Variants in GPR179 observed in about 807,000 individuals in gnomAD.
GPR179 encodes G protein-coupled receptor 179.
Under a neutral mutation model 70.8 loss-of-function variants are expected in GPR179, and 52 were observed. That is an observed-to-expected ratio of 0.73 (90% CI 0.59 to 0.93). The LOEUF (loss-of-function observed/expected upper bound fraction) is 0.93, where lower values mean the gene tolerates loss of function less well. Ranked by LOEUF, GPR179 falls within the 40% of genes least tolerant of loss-of-function variation. GPR179 has a pLI of 0.00. For synonymous variants in GPR179, 1,123 were observed against 1,169.0 expected, an observed-to-expected ratio of 0.96 and a Z score of 0.80; for missense variants, 2,734 against 2,966.8, an observed-to-expected ratio of 0.92 and a Z score of 1.82.
rs1344992907 is a variant in GPR179, at chr17:38,333,465, G to A, written c.1891-68C>T. ...TCCTTGTCCACTCCTGCACTCACCT[G>A]CCCTGTGGAATGCGTCCTTACTTTG... On this transcript the variant is annotated intron_variant, in intron 9 of 10. Transcript: ENST00000616987. 2.8e-5 allele frequency: 42 copies of A among 1,487,152 alleles called. No individual in the cohort carries two copies. In the South Asian group the frequency reaches 5.3e-4, roughly 19 times the overall value. The allele number at this position is 1,487,152 out of a possible 1,614,324, so 92.1% of individuals were successfully genotyped here. A position where few individuals can be genotyped will look rare whatever the true frequency, so the allele number is the denominator to read the frequency against.
rs181203519 is a variant in GPR179, at chr17:38,333,253, G to A, written c.2035C>T (p.Arg679Trp). 730 of 1,613,650 alleles carry A rather than the reference G, an allele frequency of 4.5e-4. 3 individuals are homozygous for A. Among genetic ancestry groups the A allele is most frequent in the African/African-American group, 1.1e-3 (79 of 75,024 alleles). The change falls in exon 10 of 11, where the codon CGG (arginine) becomes TGG (tryptophan). Residue 679 changes from arginine to tryptophan, a missense_variant and splice_region_variant. Transcript: ENST00000616987. Reference protein sequence around the residue: ...SEHSLDPGDIRDELKKLYAQL... With the variant: ...SEHSLDPGDIWDELKKLYAQL... ...GAGGCAGGGAGGGTGGCACATACCCGAATGTCTCCAGGGTCCAGGCTGTGC... is the reference window on the plus strand; with the variant it reads ...GAGGCAGGGAGGGTGGCACATACCCAAATGTCTCCAGGGTCCAGGCTGTGC...
At chr17:38,335,997 G>T in intron 5 of GPR179, 79 bp downstream of exon 5, 1 of 1,011,870 alleles carries the variant, frequency 9.9e-7, no homozygotes, top group Non-Finnish European at 1.6e-6. Context: ...GCAGAGAAGG[G>T]TTCTGGGGCT....
rs753317811 is a variant in GPR179, at chr17:38,335,032, C to A, written c.1645+1G>T. The A allele has an allele frequency of 2.5e-6, 4 of 1,610,270 alleles. No individual in the cohort carries two copies. In the African/African-American group the frequency reaches 5.3e-5, roughly 22 times the overall value. ...GGCTGGGCTCAGCAGAAGCAGCTCA[C>A]CCACAACCATGATGTAGTCCCAGCG... On this transcript the variant is annotated splice_donor_variant, in intron 7 of 10. Coordinates refer to ENST00000616987, the MANE Select transcript of GPR179 (RefSeq NM_001004334.4). LOFTEE classifies it high-confidence loss of function.
chr17:38,343,204 C>T lies in GPR179; in HGVS notation c.586G>A (p.Ala196Thr). ...TTGGTCAACACTCGCTTCTTCAGGGCAGGGGTGTCCAGGTCCCCAGGAGGG... is the reference window on the plus strand; with the variant it reads ...TTGGTCAACACTCGCTTCTTCAGGGTAGGGGTGTCCAGGTCCCCAGGAGGG... ...ENPPGDLDTPALKKRVLTNDL... is the reference protein window; with the variant it reads ...ENPPGDLDTPTLKKRVLTNDL... The change falls in exon 1 of 11, where the codon GCC becomes ACC. Residue 196 changes from alanine to threonine, a missense_variant. Coordinates refer to ENST00000616987, the MANE Select transcript of GPR179 (RefSeq NM_001004334.4). The surrounding 1 kb of genome is among the most constrained non-coding windows in gnomAD (Gnocchi z 4.2). 6.2e-7 allele frequency: 1 copy of T among 1,614,102 alleles called. No individual in the cohort carries two copies. Among genetic ancestry groups the T allele is most frequent in the Non-Finnish European group, 8.5e-7 (1 of 1,179,974 alleles).
At position 38,337,109 on chromosome 17, in the gene GPR179, A is replaced by C. The variant is rs780560830; in HGVS notation, c.1096T>G (p.Cys366Gly). Reference sequence around the variant, plus strand: ...ACCAGGCACGGTGTGGCATCCATGCAGCTGGTGCAGCCCTCAGGACATGGC... The same window carrying C: ...ACCAGGCACGGTGTGGCATCCATGCCGCTGGTGCAGCCCTCAGGACATGGC... ...CLPCPEGCTS[C>G]MDATPCLVEE... The change falls in exon 4 of 11, where the codon TGC (cysteine) becomes GGC (glycine). Residue 366 changes from cysteine (C) to glycine (G), a missense_variant. Physicochemically the swap from Cys to Gly is radical, Grantham distance 159. Coordinates refer to ENST00000616987, the MANE Select transcript of GPR179 (RefSeq NM_001004334.4). The C allele has an allele frequency of 1.2e-6, 2 of 1,611,904 alleles. No individual in the cohort carries two copies. Among genetic ancestry groups the C allele is most frequent in the Non-Finnish European group, 1.7e-6 (2 of 1,179,306 alleles).
At chr17:38,335,296 T>G in intron 6 of GPR179, 25 bp from the exon 7 acceptor site, 1 of 1,519,642 alleles carries the variant, frequency 6.6e-7, no homozygotes, top group Non-Finnish European at 8.9e-7. Context: ...ATACACAGGG[T>G]GGATGGCAGG....
rs2037473856 is a variant in GPR179 at position 38,343,766 on chromosome 17, C to T, written c.24G>A (p.Met8Ile). The T allele has an allele frequency of 6.6e-7, 1 of 1,524,670 alleles. No homozygotes were observed. The highest frequency in any genetic ancestry group is 8.8e-7 in the Non-Finnish European group (1 of 1,137,312). 94.4% of individuals were successfully genotyped at this position (1,524,670 alleles called of 1,614,324 possible). ...CCAGCAGCCCCCACATAGGAGGGGG[C>T]ATGACCGCTCCCCTGGTGCCCATCC... MGTRGAV[M>I]PPPMWGLLGC... The change falls in exon 1 of 11, where the codon ATG becomes ATA. Residue 8 changes from methionine (M) to isoleucine (I), a missense_variant. Met to Ile is a conservative substitution (Grantham distance 10, BLOSUM62 1). Transcript: ENST00000616987. This position sits in a 1 kb window ranked among gnomAD's most constrained non-coding sequence, Gnocchi z 4.2.
chr17:38,339,676 C>T, intron 1 of GPR179, 151 bp from the exon 2 acceptor site: 1 of 611,822 alleles, frequency 1.6e-6, no homozygotes, highest in South Asian at 1.9e-5. Flanking sequence ...TAGAAGGGTT[C>T]AGAAGTAAGG....
rs1327715205 is a variant in GPR179, at chr17:38,336,960, G to A, written c.1227+18C>T. ...GATGGGTCGGACATGTGTGTAGGAG[G>A]TGTGGGGCCTTCCTTGCCTTGTTCC... is the stretch of plus-strand genomic sequence containing the variant. On this transcript the variant is annotated intron_variant, in intron 4 of 10. Coordinates refer to ENST00000616987, the MANE Select transcript of GPR179 (RefSeq NM_001004334.4). 4.5e-6 allele frequency: 7 copies of A among 1,570,458 alleles called. No homozygotes were observed. Among genetic ancestry groups the A allele is most frequent in the Middle Eastern group, 2.0e-4 (1 of 5,022 alleles).
chr17:38,342,334 C>CTTT (rs10681391), intron 1 of GPR179, among the ~76,000 whole-genome samples: 77 of 139,226 alleles, frequency 5.5e-4, no homozygotes, highest in African/African-American at 8.3e-4. Flanking sequence ...ACTGACACAT[C>CTTT]TTTTTTTTTT....
chr17:38,329,953 C>T lies in GPR179; in HGVS notation c.3616G>A (p.Val1206Ile). ...TGCTTGATGTTTTTGTCCCTGGAAA[C>T]TTGCCTCAGCATGGCAAGCCCTGTT... ...GKTGLAMLRQ[V>I]SRDKNIKQSK... Residue 1206 changes from valine (V) to isoleucine (I), a missense_variant, in exon 11 of 11, where the codon GTT becomes ATT. Transcript: ENST00000616987. The T allele has an allele frequency of 1.2e-6, 2 of 1,614,242 alleles. No homozygotes were observed. Among genetic ancestry groups the T allele is most frequent in the Non-Finnish European group, 8.5e-7 (1 of 1,180,050 alleles).
intron 6 of GPR179, 54 bp downstream of exon 6, chr17:38,335,537 G>A: frequency 7.9e-7 from 1 of 1,270,000 alleles, no homozygotes; most frequent in Non-Finnish European, 1.2e-6. Context: ...CCATGAGTGA[G>A]CTGGGGTGGT....
chr17:38,335,375 C>A (rs117975358), intron 6 of GPR179, 104 bp from the exon 7 acceptor site: 8,930 of 892,686 alleles, frequency 0.01, 51 homozygotes, highest in Non-Finnish European at 0.013. Context: ...CTCCTCCACA[C>A]AGGTACTTGT....
At position 38,328,587 on chromosome 17, in the gene GPR179, G is replaced by C; in HGVS notation, c.4982C>G (p.Pro1661Arg). 1 of 1,614,114 alleles carries C rather than the reference G, an allele frequency of 6.2e-7. No individual in the cohort carries two copies. Among genetic ancestry groups the C allele is most frequent in the Middle Eastern group, 1.7e-4 (1 of 6,060 alleles). The change falls in exon 11 of 11, where the codon CCA becomes CGA. Residue 1661 changes from proline to arginine, a missense_variant. By Grantham distance (103) the Pro-to-Arg change is moderately radical (BLOSUM62 -2). Transcript: ENST00000616987. ...CTCTGTGTCTTGAGGACGTGGTTGT[G>C]GGGAGAAGCTGCCAGGGTCCACACT... is the stretch of plus-strand genomic sequence containing the variant. ...WESVDPGSFS[P>R]QPRPQDTERP...
Position 38,337,637 on chromosome 17 carries a change from A to G in GPR179, c.987T>C (p.Ser329=), listed in dbSNP as rs760165195. ...GCCCCCACCACACTTACATACCCCC[A>G]GAGGGGCTTGCCCCGTAGAATCCAG... ...CRPGFYGASP[S]GGLEESDFQT... The change falls in exon 3 of 11, where the codon TCT becomes TCC. Residue 329 remains serine, a synonymous_variant. Transcript: ENST00000616987. The G allele has an allele frequency of 1.9e-6, 3 of 1,606,330 alleles. No individual in the cohort carries two copies. The highest frequency in any genetic ancestry group is 2.5e-6 in the Non-Finnish European group (3 of 1,176,598).
chr17:38,331,277 C>A lies in GPR179; in HGVS notation c.2292G>T (p.Gly764=), dbSNP rs1201373253. 3 of 1,594,102 alleles carry A rather than the reference C, an allele frequency of 1.9e-6. No homozygotes were observed. ...TGCGGGACTTGTGCAGAGCTGGTGT[C>A]CCCTCGGGTTCCTGGAGGCTGGAGC... The part of the protein sequence containing the change: ...LLSSSLQEPE[G]TPALHKSRST... Residue 764 remains glycine (G), a synonymous_variant, in exon 11 of 11, where the codon GGG becomes GGT. Coordinates refer to ENST00000616987, the MANE Select transcript of GPR179 (RefSeq NM_001004334.4).
In GPR179 at chr17:38,328,431, G is replaced by A. The variant is rs2037313147; in HGVS notation, c.5138C>T (p.Ala1713Val). ...AGCTCCCAAAGCCCTTTCCTCCCCTGCTCCAGCACCCACCTCCCAGGGACA... is the reference window on the plus strand; with the variant it reads ...AGCTCCCAAAGCCCTTTCCTCCCCTACTCCAGCACCCACCTCCCAGGGACA... ...EICPWEVGAG[A>V]GEERALGAEA... The change falls in exon 11 of 11, where the codon GCA becomes GTA. Residue 1713 changes from alanine (A) to valine (V), a missense_variant. Physicochemically the swap from Ala to Val is moderately conservative, Grantham distance 64 (BLOSUM62 0). Coordinates refer to ENST00000616987, the MANE Select transcript of GPR179 (RefSeq NM_001004334.4). The A allele has an allele frequency of 1.2e-6, 2 of 1,613,998 alleles. No individual in the cohort carries two copies. The highest frequency in any genetic ancestry group is 1.7e-6 in the Non-Finnish European group (2 of 1,179,962).
Position 38,326,919 on chromosome 17 carries a change from C to T in GPR179, c.6650G>A (p.Arg2217Lys). The change falls in exon 11 of 11, where the codon AGG (arginine) becomes AAG (lysine). Residue 2217 changes from arginine (R) to lysine (K), a missense_variant. By Grantham distance (26) the Arg-to-Lys change is conservative. Coordinates refer to ENST00000616987, the MANE Select transcript of GPR179 (RefSeq NM_001004334.4). ...SPKEAGSMGS[R>K]MAELCQWEIT... Reference sequence around the variant, plus strand: ...TTCCCATTGGCACAGCTCTGCCATCCTGCTTCCCATGCTGCCTGCTTCCTT... The same window carrying T: ...TTCCCATTGGCACAGCTCTGCCATCTTGCTTCCCATGCTGCCTGCTTCCTT... 1.2e-6 allele frequency: 2 copies of T among 1,614,160 alleles called. No individual in the cohort carries two copies. Among genetic ancestry groups the T allele is most frequent in the South Asian group, 1.1e-5 (1 of 91,082 alleles).
intron 3 of GPR179, 57 bp downstream of exon 3, chr17:38,337,576 C>A: frequency 6.2e-6 from 9 of 1,451,534 alleles, no homozygotes; most frequent in Non-Finnish European, 8.6e-6. Context: ...CCAGATGTAC[C>A]CTCCCAACCA....
Sources: gnomAD v4.1 joint callset for allele counts (sites outside exome capture counted in the v4.1 genomes callset) on GRCh38, gnomAD v4.1.1 for gene constraint, Gnocchi (gnomAD v3.1) non-coding constraint, MANE v1.5 for transcripts, NCBI Gene and HGNC (gene_info 2026-07-23, HGNC 2026-07-21) for gene names.